The following IL34 variants were observed in gnomAD, a reference collection of about 807,000 sequenced individuals.
The protein encoded by IL34 is interleukin-34.
In IL34, 17 loss-of-function variants were observed where a neutral mutation model predicts 25.3. That is an observed-to-expected ratio of 0.67 (90% CI 0.46 to 1.01). The LOEUF (loss-of-function observed/expected upper bound fraction) is 1.01, where lower values mean the gene tolerates loss of function less well. Ranked by LOEUF, IL34 falls within the 50% of genes least tolerant of loss-of-function variation. IL34 has a pLI of 0.00. For synonymous variants in IL34, 174 were observed against 140.9 expected (o/e 1.23, Z -1.66); for missense variants, 368 against 312.9 (o/e 1.18, Z -1.33).
chr16:70,598,692 TTGCACCAC>T (rs779479939), intron 1 of IL34, among the ~76,000 whole-genome samples: 1 of 152,064 alleles, frequency 6.6e-6, no homozygotes, highest in Non-Finnish European at 1.5e-5. Context: ...TGAGCCGAGA[TTGCACCAC>T]TGCACTCCAG....
At chr16:70,624,035 G>T (rs1030776382) in intron 1 of IL34, among the ~76,000 whole-genome samples, 2 of 151,948 alleles carry the variant, frequency 1.3e-5, no homozygotes, top group Non-Finnish European at 2.9e-5. Context: ...CTTTCGAGGT[G>T]ATCAGGCAGC....
chr16:70,608,073 T>C (rs1567442717), intron 1 of IL34, among the ~76,000 whole-genome samples: 1 of 151,824 alleles, frequency 6.6e-6, no homozygotes, highest in Non-Finnish European at 1.5e-5. Context: ...CGGCCGGTTT[T>C]TCTTTTTTTA....
chr16:70,623,832 C>T (rs1156232084), intron 1 of IL34, among the ~76,000 whole-genome samples: 1 of 150,782 alleles, frequency 6.6e-6, no homozygotes, highest in African/African-American at 2.5e-5. Context: ...TCTAAGTTGG[C>T]ACCAGAGTTG....
intron 1 of IL34, among the ~76,000 whole-genome samples, chr16:70,604,376 G>T (rs998788801): frequency 6.6e-6 from 1 of 152,194 alleles, no homozygotes; most frequent in Non-Finnish European, 1.5e-5. Flanking sequence ...TCGAATTTGA[G>T]GAGGAGTTTC....
chr16:70,657,288 C>G, intron 4 of IL34, 167 bp downstream of exon 4: 1 of 715,274 alleles, frequency 1.4e-6, no homozygotes, highest in Non-Finnish European at 2.2e-6. Context: ...GAAAAGAGGC[C>G]TGTGGAAGGA....
chr16:70,642,333 T>C (rs1200931266), upstream of IL34, among the ~76,000 whole-genome samples: 1 of 147,368 alleles, frequency 6.8e-6, no homozygotes, highest in Non-Finnish European at 1.5e-5. Context: ...AGTCTCACTC[T>C]GTTACCCAGG....
At chr16:70,601,748 G>T (rs2050921481) in intron 1 of IL34, among the ~76,000 whole-genome samples, 3 of 152,204 alleles carry the variant, frequency 2.0e-5, no homozygotes, top group Admixed American at 1.3e-4. Context: ...TTTCCCAGCA[G>T]CCCCAGGTGG....
rs569036718 is a variant in IL34 at position 70,619,659 on chromosome 16, G to GAGTT, written c.-400-26887_-400-26884dup. Among the ~76,000 whole-genome samples, 696 of 152,352 alleles carry GAGTT rather than the reference G, an allele frequency of 4.6e-3. 6 individuals are homozygous for GAGTT. The highest frequency in any genetic ancestry group is 0.016 in the African/African-American group (666 of 41,576). On this transcript the variant is annotated intron_variant, in intron 1 of 6. Coordinates refer to the IL34 transcript ENST00000429149. ...GGAAAGGGCTTACCTTCCACTGTGA[G>GAGTT]AGTTACTCGAAGCTCAGCGTCTGTG...
intron 1 of IL34, among the ~76,000 whole-genome samples, chr16:70,595,024 G>A (rs1237466837): frequency 6.7e-6 from 1 of 149,240 alleles, no homozygotes; most frequent in African/African-American, 2.5e-5. Context: ...GTGCGATCTC[G>A]GCTCACTGCA....
intron 1 of IL34, among the ~76,000 whole-genome samples, chr16:70,624,252 CTG>C (rs2051342880): frequency 6.6e-6 from 1 of 151,770 alleles, no homozygotes; most frequent in Non-Finnish European, 1.5e-5. Flanking sequence ...TAGCAAGCTC[CTG>C]GGGAAGGAGG....
intron 1 of IL34, among the ~76,000 whole-genome samples, chr16:70,610,853 G>A (rs971737510): frequency 3.3e-5 from 5 of 152,310 alleles, no homozygotes; most frequent in Middle Eastern, 3.4e-3. Context: ...GGGAAGCCAC[G>A]GAGAGCAGTT....
intron 1 of IL34, among the ~76,000 whole-genome samples, chr16:70,632,650 C>A (rs2051546173): frequency 6.6e-6 from 1 of 151,994 alleles, no homozygotes; most frequent in African/African-American, 2.4e-5. Context: ...TGCACAGAGA[C>A]CATGTGGTGT....
At chr16:70,590,766 C>A (rs1408213431) in intron 1 of IL34, among the ~76,000 whole-genome samples, 1 of 152,174 alleles carries the variant, frequency 6.6e-6, no homozygotes, top group East Asian at 1.9e-4. Context: ...GATTCGAACC[C>A]AGGCAGTCCG....
chr16:70,640,596 C>T (rs1407144939), intron 1 of IL34, among the ~76,000 whole-genome samples: 2 of 149,704 alleles, frequency 1.3e-5, no homozygotes, highest in African/African-American at 5.0e-5. Flanking sequence ...TGCACTCCAG[C>T]CAGGGCGACA....
At chr16:70,588,600 C>T (rs2050719566) in intron 1 of IL34, among the ~76,000 whole-genome samples, 2 of 152,010 alleles carry the variant, frequency 1.3e-5, no homozygotes, top group African/African-American at 4.8e-5. Context: ...AGATATTTGC[C>T]CACCCATGTT....
chr16:70,639,280 A>G (rs796217325), intron 1 of IL34, among the ~76,000 whole-genome samples: 17 of 152,186 alleles, frequency 1.1e-4, no homozygotes, highest in African/African-American at 3.9e-4. Context: ...GAACCCAGCC[A>G]ATCTTGTTTG....
chr16:70,606,906 G>C (rs145441006), intron 1 of IL34, among the ~76,000 whole-genome samples: 1 of 152,078 alleles, frequency 6.6e-6, no homozygotes, highest in Non-Finnish European at 1.5e-5. Flanking sequence ...TTATTGCTGA[G>C]TAGTATTCTG....
At chr16:70,599,461 A>G (rs147114783) in intron 1 of IL34, among the ~76,000 whole-genome samples, 1 of 150,908 alleles carries the variant, frequency 6.6e-6, no homozygotes, top group African/African-American at 2.4e-5. Flanking sequence ...GGTTCAAGCG[A>G]TTCTCCTGCC....
intron 1 of IL34, among the ~76,000 whole-genome samples, chr16:70,627,087 C>T (rs918234918): frequency 6.6e-6 from 1 of 152,098 alleles, no homozygotes; most frequent in Non-Finnish European, 1.5e-5. Context: ...CTCAGCCTCC[C>T]AAAGTGCTGG....
Sources: gnomAD v4.1 joint callset for allele counts (sites outside exome capture counted in the v4.1 genomes callset) on GRCh38, gnomAD v4.1.1 for gene constraint, MANE v1.5 for transcripts, NCBI Gene and HGNC (gene_info 2026-07-23, HGNC 2026-07-21) for gene names.